The following DSCAM variants were observed in gnomAD, a reference collection of about 807,000 sequenced individuals.
The protein encoded by DSCAM is cell adhesion molecule DSCAM.
Under a neutral mutation model 217.7 loss-of-function variants are expected in DSCAM, and 47 were observed. That is an observed-to-expected ratio of 0.22 (90% CI 0.17 to 0.28). The LOEUF is 0.28. DSCAM is among the 10% of genes least tolerant of loss of function. DSCAM has a pLI of 1.00. For missense variants in DSCAM, 2,080 were observed against 2,618.3 expected (o/e 0.79, Z 4.49); for synonymous variants, 1,056 against 1,015.3 (o/e 1.04, Z -0.76).
intron 3 of DSCAM, among the ~76,000 whole-genome samples, chr21:40,502,501 T>C (rs2076177618): frequency 6.6e-6 from 1 of 152,206 alleles, no homozygotes; most frequent in Non-Finnish European, 1.5e-5. Flanking sequence ...CAGGCCGTCT[T>C]CTTTCTACAG....
chr21:40,651,126 C>A (rs1293729534), intron 3 of DSCAM, among the ~76,000 whole-genome samples: 1 of 152,172 alleles, frequency 6.6e-6, no homozygotes, highest in Non-Finnish European at 1.5e-5. Context: ...GGGTGCACAG[C>A]TGAAGATTTG....
chr21:40,751,005 T>C (rs926729036), intron 1 of DSCAM, among the ~76,000 whole-genome samples: 10 of 152,166 alleles, frequency 6.6e-5, no homozygotes, highest in African/African-American at 2.2e-4. Flanking sequence ...GCATAAGTCA[T>C]ATAATGCCAC....
intron 3 of DSCAM, among the ~76,000 whole-genome samples, chr21:40,672,852 A>G (rs1340665448): frequency 1.3e-5 from 2 of 151,768 alleles, no homozygotes; most frequent in African/African-American, 4.8e-5. Context: ...CATCTCTCAC[A>G]TCTGTCCTTT....
chr21:40,386,012 A>T (rs2075081286), intron 3 of DSCAM, among the ~76,000 whole-genome samples: 5 of 152,180 alleles, frequency 3.3e-5, no homozygotes, highest in Admixed American at 3.3e-4. Context: ...CTTTAGGTGG[A>T]TCTAGCCCTG....
chr21:40,140,283 A>G (rs1354034844), intron 18 of DSCAM, among the ~76,000 whole-genome samples: 2 of 152,174 alleles, frequency 1.3e-5, no homozygotes, highest in Non-Finnish European at 2.9e-5. Context: ...CATCACTTTG[A>G]TTTTAATCCC....
At chr21:40,286,224 C>T (rs1020192129) in intron 10 of DSCAM, among the ~76,000 whole-genome samples, 30 of 152,106 alleles carry the variant, frequency 2.0e-4, no homozygotes, top group African/African-American at 7.2e-4. Context: ...AAGGAGATGA[C>T]CAAGACAAGG....
At chr21:40,163,130 A>G (rs1471856330) in intron 16 of DSCAM, among the ~76,000 whole-genome samples, 1 of 148,162 alleles carries the variant, frequency 6.7e-6, no homozygotes, top group Admixed American at 6.7e-5. Flanking sequence ...AGTAGCTGGT[A>G]ATCACATTGT....
chr21:40,574,739 T>G (rs1228109834), intron 3 of DSCAM, among the ~76,000 whole-genome samples: 1 of 147,722 alleles, frequency 6.8e-6, no homozygotes, highest in Non-Finnish European at 1.5e-5. Context: ...GACGGAGACT[T>G]GCTCTGTCGC....
intron 11 of DSCAM, among the ~76,000 whole-genome samples, chr21:40,215,747 C>A (rs1429151374): frequency 2.6e-5 from 4 of 152,070 alleles, no homozygotes; most frequent in African/African-American, 9.7e-5. Context: ...TTCACCACTA[C>A]ACGATTCATC....
chr21:40,809,560 G>C (rs1320489702), intron 1 of DSCAM, among the ~76,000 whole-genome samples: 1 of 152,168 alleles, frequency 6.6e-6, no homozygotes, highest in East Asian at 1.9e-4. Context: ...TTCAGAAGTA[G>C]GTAAGTGGCT....
intron 3 of DSCAM, among the ~76,000 whole-genome samples, chr21:40,437,256 A>C (rs1377409111): frequency 6.6e-6 from 1 of 152,174 alleles, no homozygotes; most frequent in Non-Finnish European, 1.5e-5. Context: ...ATTTTCAAGC[A>C]AGGGGAGACT....
intron 3 of DSCAM, among the ~76,000 whole-genome samples, chr21:40,437,003 G>T (rs1353675907): frequency 1.3e-5 from 2 of 152,200 alleles, no homozygotes; most frequent in Non-Finnish European, 2.9e-5. Flanking sequence ...TTGGGAAATA[G>T]TGTGTTACAC....
intron 25 of DSCAM, among the ~76,000 whole-genome samples, chr21:40,079,589 T>G (rs1441752252): frequency 6.6e-6 from 1 of 152,130 alleles, no homozygotes; most frequent in Non-Finnish European, 1.5e-5. Context: ...CAAAGACATC[T>G]CCTCACCTTC....
chr21:40,154,199 TCCTC>T (rs902565190), intron 16 of DSCAM, among the ~76,000 whole-genome samples: 40 of 150,514 alleles, frequency 2.7e-4, no homozygotes, highest in African/African-American at 9.0e-4. Flanking sequence ...CTTCCTTCCT[TCCTC>T]CCTTCCTTTC....
chr21:40,149,038 C>A (rs901754571), intron 16 of DSCAM, among the ~76,000 whole-genome samples: 1 of 152,054 alleles, frequency 6.6e-6, no homozygotes, highest in African/African-American at 2.4e-5. Context: ...CCAAAACCAA[C>A]AACACTATCA....
intron 9 of DSCAM, among the ~76,000 whole-genome samples, chr21:40,304,603 CT>C (rs748312602): frequency 2.4e-4 from 36 of 152,344 alleles, no homozygotes; most frequent in Admixed American, 6.5e-4. Flanking sequence ...TCATTTCTAG[CT>C]TTTGATTTAA....
intron 11 of DSCAM, among the ~76,000 whole-genome samples, chr21:40,242,113 T>C (rs796743811): frequency 2.0e-5 from 3 of 151,212 alleles, no homozygotes; most frequent in Non-Finnish European, 4.4e-5. Context: ...TGTTTACCTA[T>C]GGAAGAAACC....
At chr21:40,518,646 GTA>G (rs1230620108) in intron 3 of DSCAM, among the ~76,000 whole-genome samples, 4 of 125,596 alleles carry the variant, frequency 3.2e-5, no homozygotes, top group Admixed American at 2.7e-4. Context: ...ATATATACAT[GTA>G]TATATGTGTA....
chr21:40,477,206 A>T (rs2075944499), intron 3 of DSCAM, among the ~76,000 whole-genome samples: 1 of 152,164 alleles, frequency 6.6e-6, no homozygotes, highest in African/African-American at 2.4e-5. Context: ...AATAAAGAGG[A>T]ATATGAATTC....
Sources: gnomAD v4.1 joint callset for allele counts (sites outside exome capture counted in the v4.1 genomes callset) on GRCh38, gnomAD v4.1.1 for gene constraint, MANE v1.5 for transcripts, NCBI Gene and HGNC (gene_info 2026-07-23, HGNC 2026-07-21) for gene names.